REDIC1: variants seen among roughly 807,000 people sequenced by gnomAD.
REDIC1 encodes the protein HEI10 Interacting Protein 1.
the REDIC1 span, chr12:39,756,858 T>C: frequency 6.6e-6 from 1 of 151,740 alleles, no homozygotes; most frequent in African/African-American, 2.4e-5. Flanking sequence ...GGTTCAGTGG[T>C]AAAATTAAAT....
At chr12:39,712,992 TA>T in the REDIC1 span, among the ~76,000 whole-genome samples, 2 of 143,162 alleles carry the variant, frequency 1.4e-5, no homozygotes, top group Admixed American at 6.9e-5. Context: ...CATGTGTATA[TA>T]CGTGTATATG....
the REDIC1 span, chr12:39,683,630 A>G: frequency 8.0e-6 from 5 of 625,170 alleles, no homozygotes; most frequent in African/African-American, 7.4e-5. Context: ...ACCAGGAGTC[A>G]CAGTGTTGAT....
At chr12:39,682,658 A>T in the REDIC1 span, 3 of 1,609,118 alleles carry the variant, frequency 1.9e-6, no homozygotes, top group Non-Finnish European at 2.5e-6. Flanking sequence ...GTAATTATGG[A>T]TGAAGATTGT....
the REDIC1 span, among the ~76,000 whole-genome samples, chr12:39,639,943 C>T: frequency 7.9e-5 from 12 of 151,672 alleles, no homozygotes; most frequent in South Asian, 4.1e-4. Flanking sequence ...TATAGTGTTC[C>T]GCTGTTATTA....
At chr12:39,764,328 A>G in the REDIC1 span, 2 of 785,340 alleles carry the variant, frequency 2.5e-6, no homozygotes, top group Non-Finnish European at 3.8e-6. Context: ...TTGGAGGACA[A>G]GAAAGCCACA....
At chr12:39,701,996 C>T in the REDIC1 span, among the ~76,000 whole-genome samples, 119,303 of 150,700 alleles carry the variant, frequency 0.79, 47,904 homozygotes, top group Non-Finnish European at 0.86. Flanking sequence ...AGGAAAGATC[C>T]AAAATTGACA....
chr12:39,710,570 T>A, the REDIC1 span, among the ~76,000 whole-genome samples: 1 of 151,844 alleles, frequency 6.6e-6, no homozygotes, highest in Non-Finnish European at 1.5e-5. Context: ...TTACACATTC[T>A]TTTCCCTCTA....
the REDIC1 span, chr12:39,646,850 C>T: frequency 6.3e-7 from 1 of 1,593,306 alleles, no homozygotes; most frequent in South Asian, 1.1e-5. Context: ...TGTAAACTGT[C>T]AAAGACTAAG....
At chr12:39,837,685 T>G in the REDIC1 span, among the ~76,000 whole-genome samples, 9 of 151,868 alleles carry the variant, frequency 5.9e-5, no homozygotes, top group Non-Finnish European at 1.2e-4. Flanking sequence ...GCGAAGGACA[T>G]GAACAGACAC....
the REDIC1 span, chr12:39,755,238 T>G: frequency 6.6e-6 from 1 of 152,116 alleles, no homozygotes; most frequent in African/African-American, 2.4e-5. Context: ...AAATGGTACA[T>G]ATTCATAATT....
the REDIC1 span, among the ~76,000 whole-genome samples, chr12:39,734,898 G>A: frequency 1.8e-3 from 278 of 152,274 alleles, no homozygotes; most frequent in African/African-American, 5.9e-3. Flanking sequence ...GGTAAGGATT[G>A]TGTTGACTCG....
chr12:39,684,530 TTTG>T, the REDIC1 span, among the ~76,000 whole-genome samples: 3 of 152,220 alleles, frequency 2.0e-5, no homozygotes, highest in Non-Finnish European at 4.4e-5. Context: ...AATTTGTATT[TTTG>T]TTGTTATATC....
the REDIC1 span, among the ~76,000 whole-genome samples, chr12:39,714,029 A>ACATG: frequency 2.5e-5 from 1 of 40,584 alleles, no homozygotes. Flanking sequence ...ATATAAGTAT[A>ACATG]TATACATGTA....
the REDIC1 span, among the ~76,000 whole-genome samples, chr12:39,879,332 C>T: frequency 6.6e-6 from 1 of 152,164 alleles, no homozygotes; most frequent in African/African-American, 2.4e-5. Context: ...TCCTCTAGAC[C>T]CCAGAATGGT....
At chr12:39,768,067 G>A in the REDIC1 span, among the ~76,000 whole-genome samples, 3 of 152,032 alleles carry the variant, frequency 2.0e-5, no homozygotes, top group African/African-American at 7.2e-5. Context: ...ATAACTTGAC[G>A]CAGCTTCTCC....
the REDIC1 span, among the ~76,000 whole-genome samples, chr12:39,728,447 T>C: frequency 6.6e-6 from 1 of 152,200 alleles, no homozygotes; most frequent in African/African-American, 2.4e-5. Context: ...ATGGATTATG[T>C]TTAATGATTT....
chr12:39,712,230 ACCT>A, the REDIC1 span, among the ~76,000 whole-genome samples: 2 of 142,712 alleles, frequency 1.4e-5, no homozygotes, highest in East Asian at 2.1e-4. Context: ...ATGTATATAT[ACCT>A]ATATGTATAT....
At chr12:39,875,066 T>G in the REDIC1 span, among the ~76,000 whole-genome samples, 1 of 152,176 alleles carries the variant, frequency 6.6e-6, no homozygotes, top group Non-Finnish European at 1.5e-5. Flanking sequence ...CTGGTAAATA[T>G]ATTAGTTTGT....
At chr12:39,650,492 A>G in the REDIC1 span, 1 of 1,114,674 alleles carries the variant, frequency 9.0e-7, no homozygotes, top group East Asian at 3.0e-5. This position sits in a 1 kb window ranked among gnomAD's most constrained non-coding sequence, Gnocchi z 4.3. Context: ...AAAAATTCAA[A>G]AAGTAAAATG....
Sources: gnomAD v4.1 joint callset for allele counts (sites outside exome capture counted in the v4.1 genomes callset) on GRCh38, gnomAD v4.1.1 for gene constraint, Gnocchi (gnomAD v3.1) non-coding constraint, MANE v1.5 for transcripts, NCBI Gene and HGNC (gene_info 2026-07-23, HGNC 2026-07-21) for gene names.